The following PRKCA variants were observed in gnomAD, a reference collection of about 807,000 sequenced individuals.
PRKCA encodes protein kinase C alpha.
Under a neutral mutation model 87.0 loss-of-function variants are expected in PRKCA, and 27 were observed. That is an observed-to-expected ratio of 0.31 (90% CI 0.23 to 0.43). The LOEUF (loss-of-function observed/expected upper bound fraction) is 0.43, where lower values mean the gene tolerates loss of function less well. Among genes scored for constraint, PRKCA ranks in the 20% least tolerant of loss-of-function variants. The pLI is 1.00. For synonymous variants in PRKCA, 329 were observed against 311.1 expected, an observed-to-expected ratio of 1.06 and a Z score of -0.61; for missense variants, 518 against 852.3, an observed-to-expected ratio of 0.61 and a Z score of 4.88.
chr17:66,389,674 T>C (rs547608722), intron 2 of PRKCA, among the ~76,000 whole-genome samples: 6 of 152,328 alleles, frequency 3.9e-5, no homozygotes, highest in African/African-American at 1.4e-4. Flanking sequence ...GCTCTGGTGC[T>C]GTTTGAAACA....
At chr17:66,653,119 C>T (rs1447777756) in intron 5 of PRKCA, among the ~76,000 whole-genome samples, 4 of 152,244 alleles carry the variant, frequency 2.6e-5, no homozygotes, top group Non-Finnish European at 4.4e-5. Context: ...CAGACTGCCA[C>T]AGGCAGGTTC....
chr17:66,391,445 G>C (rs1180770235), intron 2 of PRKCA, among the ~76,000 whole-genome samples: 1 of 152,028 alleles, frequency 6.6e-6, no homozygotes, highest in East Asian at 1.9e-4. Context: ...GGTGTCATCT[G>C]CTCCACATTG....
At chr17:66,729,000 G>A (rs919773461) in intron 8 of PRKCA, among the ~76,000 whole-genome samples, 2 of 152,226 alleles carry the variant, frequency 1.3e-5, no homozygotes, top group African/African-American at 4.8e-5. Flanking sequence ...GAGAAAATAC[G>A]ATTAATCTGT....
At chr17:66,482,598 C>T (rs1356474875) in intron 2 of PRKCA, among the ~76,000 whole-genome samples, 1 of 152,168 alleles carries the variant, frequency 6.6e-6, no homozygotes, top group East Asian at 1.9e-4. Context: ...GTGTGGGAAC[C>T]CACATTCTTA....
intron 2 of PRKCA, among the ~76,000 whole-genome samples, chr17:66,477,632 G>A (rs1442190051): frequency 5.3e-5 from 8 of 152,184 alleles, no homozygotes; most frequent in East Asian, 1.9e-4. Flanking sequence ...CCTGGGAGAC[G>A]GAGGTTGTGG....
At chr17:66,530,449 A>G (rs1377336121) in intron 3 of PRKCA, among the ~76,000 whole-genome samples, 2 of 152,134 alleles carry the variant, frequency 1.3e-5, no homozygotes, top group South Asian at 2.1e-4. Context: ...AATAACACCT[A>G]TTTCTTTTCA....
At chr17:66,620,899 C>T (rs544810355) in intron 3 of PRKCA, among the ~76,000 whole-genome samples, 2 of 152,284 alleles carry the variant, frequency 1.3e-5, no homozygotes, top group Admixed American at 6.5e-5. Context: ...TATCATGGAG[C>T]ATCTGAAAAT....
chr17:66,709,042 T>G (rs1381267942), intron 8 of PRKCA, among the ~76,000 whole-genome samples: 1 of 152,192 alleles, frequency 6.6e-6, no homozygotes, highest in East Asian at 1.9e-4. Flanking sequence ...TTGACTAGTT[T>G]CTCATTTTAG....
In PRKCA at chr17:66,644,342, A is replaced by T. The variant is rs190680396; in HGVS notation, c.401-1041A>T. 5.9e-5 allele frequency among the ~76,000 whole-genome samples: 9 copies of T among 152,332 alleles called. No homozygotes were observed. The East Asian group carries it at 1.7e-3, about 29-fold the overall frequency. The stretch of plus-strand genomic sequence containing the variant: ...AAAATGAAACGGAAAGGAAGACTCC[A>T]CCTTGATGATTACAGAATAACCTTA... On this transcript the variant is annotated intron_variant, in intron 4 of 16. Coordinates refer to ENST00000413366, the MANE Select transcript of PRKCA (RefSeq NM_002737.3).
chr17:66,535,854 G>C (rs1967760660), intron 3 of PRKCA, among the ~76,000 whole-genome samples: 1 of 152,156 alleles, frequency 6.6e-6, no homozygotes, highest in African/African-American at 2.4e-5. Context: ...ATCTAAGCCA[G>C]ACCTCCAGTT....
chr17:66,518,107 A>T (rs1448202427), intron 3 of PRKCA, among the ~76,000 whole-genome samples: 1 of 152,220 alleles, frequency 6.6e-6, no homozygotes, highest in Non-Finnish European at 1.5e-5. Context: ...ATTTTTAGTA[A>T]GATGGCCCTG....
At chr17:66,396,417 AAG>A (rs1247622792) in intron 2 of PRKCA, among the ~76,000 whole-genome samples, 1 of 152,180 alleles carries the variant, frequency 6.6e-6, no homozygotes, top group African/African-American at 2.4e-5. Flanking sequence ...GCCAATTTGA[AAG>A]AGAATAAATC....
At chr17:66,376,411 C>T (rs189771883) in intron 2 of PRKCA, among the ~76,000 whole-genome samples, 5 of 152,248 alleles carry the variant, frequency 3.3e-5, no homozygotes, top group Non-Finnish European at 7.4e-5. Flanking sequence ...AGTTCAAGAC[C>T]GGGCTGGCCA....
At chr17:66,771,593 CTTT>C (rs970072926) in intron 13 of PRKCA, among the ~76,000 whole-genome samples, 3 of 151,512 alleles carry the variant, frequency 2.0e-5, no homozygotes, top group Non-Finnish European at 4.4e-5. Context: ...TTCCTTATTT[CTTT>C]TTTTTTATTT....
At chr17:66,592,632 T>C (rs978555599) in intron 3 of PRKCA, among the ~76,000 whole-genome samples, 2 of 152,158 alleles carry the variant, frequency 1.3e-5, no homozygotes, top group Admixed American at 6.5e-5. Flanking sequence ...GACTGGAGCA[T>C]GAACGGTTCT....
chr17:66,603,267 C>T (rs965124397), intron 3 of PRKCA, among the ~76,000 whole-genome samples: 8 of 152,168 alleles, frequency 5.3e-5, no homozygotes, highest in Non-Finnish European at 1.0e-4. Context: ...CAGCCCTTTC[C>T]TGAACGCGTC....
rs1598813207 is a variant in PRKCA at position 66,611,805 on chromosome 17, T to G, written c.289-29550T>G. Among the ~76,000 whole-genome samples, 4 of 152,326 alleles carry G rather than the reference T, an allele frequency of 2.6e-5. No homozygotes were observed. In the East Asian group the frequency reaches 7.7e-4, roughly 29 times the overall value. ...TCTAGCAATGAGTTGAGGGTTCTGA[T>G]TTCTCCACATCATTGCCAACATTCA... On this transcript the variant is annotated intron_variant, in intron 3 of 16. Coordinates refer to ENST00000413366, the MANE Select transcript of PRKCA (RefSeq NM_002737.3).
intron 8 of PRKCA, among the ~76,000 whole-genome samples, chr17:66,724,954 T>C (rs1285998858): frequency 1.3e-5 from 2 of 152,198 alleles, no homozygotes; most frequent in African/African-American, 2.4e-5. Flanking sequence ...AATGGTCAGC[T>C]CAGGGCTCAC....
intron 8 of PRKCA, among the ~76,000 whole-genome samples, chr17:66,695,643 C>T (rs1287637161): frequency 1.3e-5 from 2 of 152,190 alleles, no homozygotes; most frequent in Non-Finnish European, 2.9e-5. Flanking sequence ...TGGCCTTTTC[C>T]TCCTCTTACT....
Sources: allele counts gnomAD v4.1 joint callset (sites outside exome capture counted in the v4.1 genomes callset), GRCh38; gene constraint gnomAD v4.1.1; transcripts MANE v1.5; gene names NCBI Gene and HGNC (gene_info 2026-07-23, HGNC 2026-07-21).